Variants in SMOC1 observed in about 807,000 individuals in gnomAD.
The protein encoded by SMOC1 is SPARC related modular calcium binding 1.
SMOC1 carries 22 observed loss-of-function variants against 56.3 expected under a neutral mutation model. That is an observed-to-expected ratio of 0.39 (90% CI 0.28 to 0.56). SMOC1 has a LOEUF of 0.56. SMOC1 is among the 20% of genes least tolerant of loss of function. SMOC1 has a pLI of 0.61. For synonymous variants in SMOC1, 193 were observed against 215.0 expected, an observed-to-expected ratio of 0.90 and a Z score of 0.89; for missense variants, 509 against 565.4, an observed-to-expected ratio of 0.90 and a Z score of 1.01.
chr14:70,027,049 T>C (rs968897177), intron 11 of SMOC1, among the ~76,000 whole-genome samples: 3 of 152,168 alleles, frequency 2.0e-5, no homozygotes, highest in Non-Finnish European at 4.4e-5. Context: ...TTAAAGCCTA[T>C]GCAGAGGCAG....
At chr14:69,915,835 T>C (rs1884671258) in intron 1 of SMOC1, among the ~76,000 whole-genome samples, 1 of 152,240 alleles carries the variant, frequency 6.6e-6, no homozygotes, top group Non-Finnish European at 1.5e-5. Context: ...CCTACTTGCC[T>C]AGATGCTCCC....
intron 1 of SMOC1, among the ~76,000 whole-genome samples, chr14:69,889,242 C>G (rs1382208572): frequency 6.6e-6 from 1 of 152,162 alleles, no homozygotes; most frequent in East Asian, 1.9e-4. Flanking sequence ...CAGGGCTGAA[C>G]CACTGTACTT....
At chr14:69,942,341 G>C (rs1468682737) in intron 1 of SMOC1, among the ~76,000 whole-genome samples, 1 of 152,148 alleles carries the variant, frequency 6.6e-6, no homozygotes, top group African/African-American at 2.4e-5. Context: ...GCCTATGGGG[G>C]TGTCTGATGT....
At chr14:69,944,963 T>C (rs772210202) in intron 1 of SMOC1, among the ~76,000 whole-genome samples, 1 of 152,222 alleles carries the variant, frequency 6.6e-6, no homozygotes, top group African/African-American at 2.4e-5. Context: ...AGATGTTCCT[T>C]TAAAGAAAAG....
intron 1 of SMOC1, among the ~76,000 whole-genome samples, chr14:69,909,400 A>G (rs773051566): frequency 3.3e-5 from 5 of 152,156 alleles, no homozygotes; most frequent in Non-Finnish European, 7.3e-5. Context: ...GACTTCTCTA[A>G]GCAAATACAT....
chr14:69,992,464 G>A lies in SMOC1; in HGVS notation c.574G>A (p.Asp192Asn), dbSNP rs199928475. 1.4e-5 allele frequency: 22 copies of A among 1,613,254 alleles called. No homozygotes were observed. Among genetic ancestry groups the A allele is most frequent in the Middle Eastern group, 3.3e-4 (2 of 6,062 alleles). Residue 192 changes from aspartate (D) to asparagine (N), a missense_variant, in exon 6 of 12, where the codon GAT (aspartate) becomes AAT (asparagine). Coordinates refer to ENST00000361956, the MANE Select transcript of SMOC1 (RefSeq NM_001034852.3). The stretch of plus-strand genomic sequence containing the variant: ...CACGATGGAGACCCAGCCGGTGTTC[G>A]ATGGAGATGGTAAGATCTTGCATTA... ...TPTMETQPVF[D>N]GDEITAPTLW...
intron 3 of SMOC1, among the ~76,000 whole-genome samples, chr14:69,968,752 C>A (rs533133425): frequency 3.3e-5 from 5 of 152,320 alleles, no homozygotes; most frequent in South Asian, 2.1e-4. Context: ...GTAGTTTAAC[C>A]TTTTTCCACT....
intron 5 of SMOC1, among the ~76,000 whole-genome samples, chr14:69,984,971 G>A (rs10140789): frequency 0.03 from 4,604 of 152,018 alleles, 140 homozygotes; most frequent in African/African-American, 0.072. Context: ...GAACCCAGGA[G>A]GTGGAGGTTG....
intron 5 of SMOC1, among the ~76,000 whole-genome samples, chr14:69,986,934 T>G (rs937358864): frequency 1.3e-5 from 2 of 152,232 alleles, no homozygotes. Context: ...CAGTTCACCA[T>G]CCATTTCTGA....
chr14:69,945,391 G>T (rs184748141), intron 1 of SMOC1, among the ~76,000 whole-genome samples: 73 of 152,286 alleles, frequency 4.8e-4, no homozygotes, highest in Non-Finnish European at 8.5e-4. Context: ...ATTAGGGGTA[G>T]GGATGGGGGC....
At chr14:69,892,806 T>C (rs1258211019) in intron 1 of SMOC1, among the ~76,000 whole-genome samples, 2 of 152,214 alleles carry the variant, frequency 1.3e-5, no homozygotes, top group South Asian at 4.1e-4. Flanking sequence ...CTAACCATGA[T>C]ACCATACCAC....
At chr14:69,933,526 A>AT (rs1566678911) in intron 1 of SMOC1, among the ~76,000 whole-genome samples, 1 of 152,100 alleles carries the variant, frequency 6.6e-6, no homozygotes, top group Admixed American at 6.5e-5. Flanking sequence ...TGTAAAAGAC[A>AT]TTTTTTTGTT....
chr14:69,904,876 T>G (rs1440276136), intron 1 of SMOC1, among the ~76,000 whole-genome samples: 1 of 152,198 alleles, frequency 6.6e-6, no homozygotes, highest in African/African-American at 2.4e-5. Flanking sequence ...GCAGCGATCC[T>G]TCAACATTGT....
intron 5 of SMOC1, among the ~76,000 whole-genome samples, chr14:69,979,096 C>T (rs1468909951): frequency 4.6e-5 from 7 of 152,114 alleles, no homozygotes; most frequent in South Asian, 2.1e-4. Context: ...TCAGGGCCCA[C>T]GTGGAGCCTT....
intron 1 of SMOC1, among the ~76,000 whole-genome samples, chr14:69,947,048 T>G (rs1326573233): frequency 6.6e-6 from 1 of 152,034 alleles, no homozygotes; most frequent in East Asian, 1.9e-4. Context: ...CATGAGCAAT[T>G]AAATCTCTTT....
chr14:69,941,309 C>T (rs577433846), intron 1 of SMOC1, among the ~76,000 whole-genome samples: 1 of 152,298 alleles, frequency 6.6e-6, no homozygotes, highest in South Asian at 2.1e-4. Flanking sequence ...TGCTTTTCAG[C>T]CTGGGGTAAC....
intron 5 of SMOC1, among the ~76,000 whole-genome samples, chr14:69,986,527 A>T (rs1001691421): frequency 1.3e-5 from 2 of 152,186 alleles, no homozygotes; most frequent in East Asian, 3.8e-4. Context: ...CTAACTATAA[A>T]GCCGTTACCA....
chr14:69,983,401 G>A (rs931921749), intron 5 of SMOC1, among the ~76,000 whole-genome samples: 1 of 152,182 alleles, frequency 6.6e-6, no homozygotes, highest in Non-Finnish European at 1.5e-5. Context: ...ATAACAGTAC[G>A]AGTCCAGGCC....
intron 7 of SMOC1, among the ~76,000 whole-genome samples, chr14:70,010,476 A>C (rs1885296584): frequency 6.6e-6 from 1 of 152,218 alleles, no homozygotes; most frequent in African/African-American, 2.4e-5. Flanking sequence ...GCATCCCTGG[A>C]GTCCCTGGCT....
Sources: allele counts gnomAD v4.1 joint callset (sites outside exome capture counted in the v4.1 genomes callset), GRCh38; gene constraint gnomAD v4.1.1; transcripts MANE v1.5; gene names NCBI Gene and HGNC (gene_info 2026-07-23, HGNC 2026-07-21).